CEMIP2: variants seen among roughly 807,000 people sequenced by gnomAD.
The protein encoded by CEMIP2 is cell surface hyaluronidase CEMIP2.
Under a neutral mutation model 146.9 loss-of-function variants are expected in CEMIP2, and 79 were observed. The observed-to-expected ratio is 0.54, with a 90% confidence interval of 0.45 to 0.65. The LOEUF is 0.65. Among genes scored for constraint, CEMIP2 ranks in the 30% least tolerant of loss-of-function variants. The pLI is 0.00. For synonymous variants in CEMIP2, 601 were observed against 606.3 expected (o/e 0.99, Z 0.13); for missense variants, 1,596 against 1,696.2 (o/e 0.94, Z 1.04).
At chr9:71,710,382 C>T (rs1042001476) in intron 16 of CEMIP2, among the ~76,000 whole-genome samples, 3 of 152,222 alleles carry the variant, frequency 2.0e-5, no homozygotes, top group Non-Finnish European at 4.4e-5. Flanking sequence ...ATAAGCAACT[C>T]AATGGAAAAC....
rs950354448 is a variant in CEMIP2 at position 71,712,134 on chromosome 9, G to A, written c.2718C>T (p.Ser906=). ...TATTATTCCTGGGGGTTATCTGCCA[G>A]GAATTCTTCATGAGGAAGCCAATTG... is the stretch of plus-strand genomic sequence containing the variant. ...SSAIGFLMKN[S]WQITPRNNIS... Residue 906 remains serine, a synonymous_variant, in exon 16 of 24, where the codon TCC becomes TCT. Coordinates refer to ENST00000377044, the MANE Select transcript of CEMIP2 (RefSeq NM_013390.3). 1 of 1,614,110 alleles carries A rather than the reference G, an allele frequency of 6.2e-7. No individual in the cohort carries two copies. The highest frequency in any genetic ancestry group is 1.1e-5 in the South Asian group (1 of 91,060).
intron 18 of CEMIP2, among the ~76,000 whole-genome samples, chr9:71,703,762 C>T (rs1342429605): frequency 6.6e-6 from 1 of 152,160 alleles, no homozygotes; most frequent in African/African-American, 2.4e-5. Context: ...ATCACACTGA[C>T]TCCATCATTT....
At chr9:71,693,505 A>C (rs1822296797) in intron 21 of CEMIP2, among the ~76,000 whole-genome samples, 1 of 152,260 alleles carries the variant, frequency 6.6e-6, no homozygotes, top group African/African-American at 2.4e-5. Context: ...ACCTTAAAAT[A>C]AAAGGCCGAA....
chr9:71,722,059 G>A (rs1283099691), intron 12 of CEMIP2, among the ~76,000 whole-genome samples: 2 of 152,102 alleles, frequency 1.3e-5, no homozygotes, highest in African/African-American at 4.8e-5. Flanking sequence ...TATATGGTTT[G>A]GTTTTTCAAG....
intron 18 of CEMIP2, among the ~76,000 whole-genome samples, chr9:71,701,414 T>C (rs1052584702): frequency 1.3e-5 from 2 of 152,138 alleles, no homozygotes; most frequent in Non-Finnish European, 2.9e-5. Context: ...CCCTAAAAAT[T>C]CTTAGTTTTA....
intron 22 of CEMIP2, chr9:71,687,016 A>G (rs981317082): frequency 1.3e-5 from 2 of 152,322 alleles, no homozygotes. Flanking sequence ...AAGCCAACAT[A>G]CATACTTGGA....
rs183523573 is a variant in CEMIP2 at position 71,705,946 on chromosome 9, C to A, written c.2986-1143G>T. On this transcript the variant is annotated intron_variant, in intron 17 of 23. Coordinates refer to ENST00000377044, the MANE Select transcript of CEMIP2 (RefSeq NM_013390.3). ...CTCAGGTCATTAAAAAGCACATATT[C>A]GGCCAGGCACAGTGGCTCATGCCTG... is the stretch of plus-strand genomic sequence containing the variant. Among the ~76,000 whole-genome samples the A allele has an allele frequency of 5.3e-5, 8 of 151,882 alleles. No individual in the cohort carries two copies. The East Asian group carries it at 1.5e-3, about 29-fold the overall frequency.
intron 11 of CEMIP2, among the ~76,000 whole-genome samples, chr9:71,723,725 A>C (rs1823307214): frequency 6.6e-6 from 1 of 152,182 alleles, no homozygotes; most frequent in South Asian, 2.1e-4. Flanking sequence ...AACCTGGACT[A>C]GTACAGATTC....
intron 7 of CEMIP2, among the ~76,000 whole-genome samples, chr9:71,732,066 T>TG (rs1823634715): frequency 6.6e-6 from 1 of 152,172 alleles, no homozygotes; most frequent in African/African-American, 2.4e-5. Context: ...TTCAGTTTTT[T>TG]TTTGTTTTGT....
intron 17 of CEMIP2, among the ~76,000 whole-genome samples, chr9:71,705,129 C>T (rs1022251816): frequency 8.7e-6 from 1 of 115,544 alleles, no homozygotes; most frequent in African/African-American, 2.5e-5. Flanking sequence ...AAAGAACACA[C>T]ATACAAAAAA....
chr9:71,694,416 C>T, intron 21 of CEMIP2, 93 bp downstream of exon 21: 2 of 1,022,938 alleles, frequency 2.0e-6, no homozygotes, highest in Non-Finnish European at 3.0e-6. Context: ...AGCCACCGCA[C>T]CCAGCCAATT....
chr9:71,725,031 T>A (rs911470924), intron 11 of CEMIP2, among the ~76,000 whole-genome samples: 3 of 152,150 alleles, frequency 2.0e-5, no homozygotes, highest in Non-Finnish European at 4.4e-5. Flanking sequence ...TGCACATACC[T>A]GTATGCGCAA....
At position 71,734,942 on chromosome 9, in the gene CEMIP2, A is replaced by G; in HGVS notation, c.1257T>C (p.Asn419=). 1 of 1,613,850 alleles carries G rather than the reference A, an allele frequency of 6.2e-7. No homozygotes were observed. Among genetic ancestry groups the G allele is most frequent in the Non-Finnish European group, 8.5e-7 (1 of 1,179,974 alleles). The change falls in exon 6 of 24, where the codon AAT becomes AAC. Residue 419 remains asparagine (N), a synonymous_variant. Transcript: ENST00000377044. ...RVEVVDGVKL[N]LLDDVSSWKP... ...TCCAACTACTAACATCATCTAGCAA[A>G]TTTAGCTTCACTCCATCTACAACCT...
intron 12 of CEMIP2, 78 bp downstream of exon 12, chr9:71,722,349 G>A: frequency 9.1e-7 from 1 of 1,097,580 alleles, no homozygotes; most frequent in Non-Finnish European, 1.3e-6. Context: ...ACCACAGAAA[G>A]AGCACAATAA....
intron 12 of CEMIP2, among the ~76,000 whole-genome samples, chr9:71,718,700 C>T (rs1823142216): frequency 6.6e-6 from 1 of 152,054 alleles, no homozygotes; most frequent in South Asian, 2.1e-4. Context: ...CTTCAGCCTT[C>T]TGAGTAGCTG....
At chr9:71,739,350 A>T (rs1293581907) in intron 5 of CEMIP2, among the ~76,000 whole-genome samples, 4 of 86,130 alleles carry the variant, frequency 4.6e-5, no homozygotes, top group Non-Finnish European at 8.3e-5. Flanking sequence ...TGACAGAGTG[A>T]GACTCTGTCT....
At position 71,753,294 on chromosome 9, in the gene CEMIP2, G is replaced by A. The variant is rs72739803; in HGVS notation, c.-12-2909C>T. ...CAGGCTGGTGGGGGCGGGGGTCTTT[G>A]GTGGGAGATAATGGGTCTCCAGATG... On this transcript the variant is annotated intron_variant, in intron 1 of 23. Transcript: ENST00000377044. Among the ~76,000 whole-genome samples the A allele has an allele frequency of 4.6e-3, 701 of 152,178 alleles. 42 individuals carry two copies. The South Asian group carries it at 0.12, about 27-fold the overall frequency.
rs202117753 is a variant in CEMIP2, at chr9:71,740,252, G to A, written c.1035-20C>T. On this transcript the variant is annotated intron_variant, in intron 4 of 23. Transcript: ENST00000377044. ...GCTTGCCTAGAAGGAAAAAGAGCAT[G>A]TGCATTTGATTACTTGTCATGGTAT... The A allele has an allele frequency of 8.0e-5, 129 of 1,609,730 alleles. No individual in the cohort carries two copies. In the Admixed American group the frequency reaches 2.2e-3, roughly 27 times the overall value.
chr9:71,706,450 CTGAGGAGTATTAGA>C (rs1014697819), intron 17 of CEMIP2, among the ~76,000 whole-genome samples: 3 of 152,064 alleles, frequency 2.0e-5, no homozygotes, highest in Non-Finnish European at 2.9e-5. Flanking sequence ...CCAGTGCCCC[CTGAGGAGTATTAGA>C]TGACTTATTT....
Sources: gnomAD v4.1 joint callset for allele counts (sites outside exome capture counted in the v4.1 genomes callset) on GRCh38, gnomAD v4.1.1 for gene constraint, MANE v1.5 for transcripts, NCBI Gene and HGNC (gene_info 2026-07-23, HGNC 2026-07-21) for gene names.